C9orf72: variants seen among roughly 807,000 people sequenced by gnomAD.
C9orf72 encodes the protein guanine nucleotide exchange factor C9orf72.
C9orf72 carries 44 observed loss-of-function variants against 51.6 expected under a neutral mutation model. The ratio of observed to expected loss-of-function variants is 0.85; its 90% confidence interval spans 0.67 to 1.10. The LOEUF is 1.10. Ranked by LOEUF, C9orf72 falls within the 50% of genes least tolerant of loss-of-function variation. The pLI, the probability that C9orf72 is intolerant of heterozygous loss-of-function variation, is 0.00. For synonymous variants in C9orf72, 213 were observed against 194.2 expected (o/e 1.10, Z -0.81); for missense variants, 607 against 570.6 (o/e 1.06, Z -0.65).
intron 8 of C9orf72, 138 bp downstream of exon 8, chr9:27,556,423 G>T: frequency 1.6e-6 from 1 of 622,956 alleles, no homozygotes; most frequent in South Asian, 2.1e-5. Context: ...AAAAATGCTT[G>T]ATTAAATGTT....
At chr9:27,560,402 T>A (rs1819314601) in intron 5 of C9orf72, 103 bp from the exon 6 acceptor site, 1 of 829,290 alleles carries the variant, frequency 1.2e-6, no homozygotes, top group Non-Finnish European at 1.9e-6. Flanking sequence ...TCAGAATAGC[T>A]TTATATGATA....
At chr9:27,565,091 T>C (rs976312723) in intron 3 of C9orf72, among the ~76,000 whole-genome samples, 2 of 152,168 alleles carry the variant, frequency 1.3e-5, no homozygotes, top group African/African-American at 4.8e-5. Flanking sequence ...GTCTTAACGA[T>C]ACAACATAAG....
chr9:27,565,567 C>A lies in C9orf72; in HGVS notation c.468G>T (p.Lys156Asn), dbSNP rs770077991. 2.5e-6 allele frequency: 4 copies of A among 1,606,042 alleles called. No homozygotes were observed. The South Asian group carries it at 4.4e-5, about 18-fold the overall frequency. Residue 156 changes from lysine (K) to asparagine (N), a missense_variant, in exon 3 of 11, where the codon AAG becomes AAT. By Grantham distance (94) the Lys-to-Asn change is moderately conservative. Coordinates refer to ENST00000380003, the MANE Select transcript of C9orf72 (RefSeq NM_018325.5). ...MHKERQENVQ[K>N]IILEGTERME... ...TTCTCTCTGTGCCTTCTAAGATAAT[C>A]TTCTGGACATTTTCTTGTCTTTCCT...
chr9:27,567,281 T>C (rs1819491954), intron 1 of C9orf72, 117 bp from the exon 2 acceptor site: 3 of 619,678 alleles, frequency 4.8e-6, no homozygotes, highest in East Asian at 2.7e-5. Context: ...TGTGGAATCC[T>C]GTTATCTCCT....
chr9:27,549,804 T>C (rs1017942455), intron 9 of C9orf72, among the ~76,000 whole-genome samples: 3 of 150,586 alleles, frequency 2.0e-5, no homozygotes, highest in African/African-American at 7.3e-5. Context: ...TTACTTGTTA[T>C]AGGTTAATGC....
intron 8 of C9orf72, 33 bp downstream of exon 8, chr9:27,556,528 G>A: frequency 7.2e-7 from 1 of 1,389,124 alleles, no homozygotes; most frequent in Non-Finnish European, 1.0e-6. Flanking sequence ...CATATTGCTT[G>A]ACTACAGTAC....
In C9orf72 at chr9:27,566,535, T is replaced by C. The variant is rs551299961; in HGVS notation, c.444+142A>G. The stretch of plus-strand genomic sequence containing the variant: ...AGGTATCAGACCAGATGTATTTGTA[T>C]CTAATAGGGTAAATGCAAAATAAAT... On this transcript the variant is annotated intron_variant, in intron 2 of 10. Coordinates refer to ENST00000380003, the MANE Select transcript of C9orf72 (RefSeq NM_018325.5). The C allele has an allele frequency of 1.1e-5, 7 of 614,192 alleles. No individual in the cohort carries two copies. In the South Asian group the frequency reaches 1.4e-4, roughly 12 times the overall value. The allele number at this position is 614,192 out of a possible 1,614,324, so 38.0% of individuals were successfully genotyped here.
At chr9:27,550,380 T>G (rs1013356489) in intron 9 of C9orf72, among the ~76,000 whole-genome samples, 1 of 152,040 alleles carries the variant, frequency 6.6e-6, no homozygotes, top group Non-Finnish European at 1.5e-5. Context: ...CTTTAAAAGA[T>G]AGCAATAATA....
chr9:27,552,906 A>C lies in C9orf72; in HGVS notation c.1092-2199T>G, dbSNP rs543351136. Among the ~76,000 whole-genome samples, 153 of 152,256 alleles carry C rather than the reference A, an allele frequency of 1.0e-3. 1 individual carries two copies. The highest frequency in any genetic ancestry group is 3.5e-3 in the African/African-American group (147 of 41,554). On this transcript the variant is annotated intron_variant, in intron 8 of 10. Coordinates refer to ENST00000380003, the MANE Select transcript of C9orf72 (RefSeq NM_018325.5). ...GAGGATTTTTGCATCTATATTCATC[A>C]AGGATATTGGCCTGAAGTTTTCTTT...
chr9:27,560,537 T>A (rs949308544), intron 5 of C9orf72: 1 of 683,828 alleles, frequency 1.5e-6, no homozygotes, highest in Non-Finnish European at 1.9e-6. Context: ...ATAATATCAT[T>A]TAATTAATGT....
Position 27,547,354 on chromosome 9 carries a change from G to C in C9orf72, c.*882C>G, listed in dbSNP as rs762068701. ...CAAAGCAGGTACATGGTAAGACTTAGCAAGAAGAAAACAAGATGAAAATGA... is the reference window on the plus strand; with the variant it reads ...CAAAGCAGGTACATGGTAAGACTTACCAAGAAGAAAACAAGATGAAAATGA... On this transcript the variant is annotated 3_prime_UTR_variant, in exon 11 of 11. Transcript: ENST00000380003. 6.6e-5 allele frequency: 10 copies of C among 152,634 alleles called. No homozygotes were observed. Among genetic ancestry groups the C allele is most frequent in the Non-Finnish European group, 1.5e-4 (10 of 68,016 alleles). 9.5% of individuals were successfully genotyped at this position (152,634 alleles called of 1,614,324 possible). A position where few individuals can be genotyped will look rare whatever the true frequency, so the allele number is the denominator to read the frequency against.
intron 8 of C9orf72, among the ~76,000 whole-genome samples, chr9:27,555,077 A>G (rs1430724138): frequency 6.6e-6 from 1 of 152,208 alleles, no homozygotes; most frequent in Non-Finnish European, 1.5e-5. Context: ...CAAGTAACCA[A>G]TCAAAAAACG....
At chr9:27,572,988 C>CA (rs1819621526) in intron 1 of C9orf72, among the ~76,000 whole-genome samples, 1 of 152,210 alleles carries the variant, frequency 6.6e-6, no homozygotes, top group African/African-American at 2.4e-5. Context: ...TCCTCGCCGG[C>CA]AGGGACCGTC....
rs1460588561 is a variant in C9orf72 at position 27,566,545 on chromosome 9, T to G, written c.444+132A>C. On this transcript the variant is annotated intron_variant, in intron 2 of 10. Coordinates refer to ENST00000380003, the MANE Select transcript of C9orf72 (RefSeq NM_018325.5). ...CCAGATGTATTTGTATCTAATAGGG[T>G]AAATGCAAAATAAATAACATTTATT... 3 of 652,032 alleles carry G rather than the reference T, an allele frequency of 4.6e-6. No individual in the cohort carries two copies. The African/African-American group carries it at 5.5e-5, about 12-fold the overall frequency. The allele number at this position is 652,032 out of a possible 1,614,324, so 40.4% of individuals were successfully genotyped here.
At chr9:27,557,807 A>G (rs776846459) in intron 7 of C9orf72, among the ~76,000 whole-genome samples, 5 of 152,006 alleles carry the variant, frequency 3.3e-5, no homozygotes, top group Non-Finnish European at 7.4e-5. Context: ...ATTTGCAACA[A>G]TTTTTAAATT....
intron 1 of C9orf72, among the ~76,000 whole-genome samples, chr9:27,572,030 C>T (rs918895457): frequency 1.3e-5 from 2 of 152,202 alleles, no homozygotes; most frequent in South Asian, 4.1e-4. Flanking sequence ...ATCTAATTAA[C>T]GTAGAATAGA....
chr9:27,555,607 G>A (rs1231235061), intron 8 of C9orf72, among the ~76,000 whole-genome samples: 1 of 148,780 alleles, frequency 6.7e-6, no homozygotes, highest in East Asian at 2.0e-4. Flanking sequence ...TGTTCCCCAG[G>A]CTGGAGTACA....
intron 1 of C9orf72, among the ~76,000 whole-genome samples, chr9:27,568,942 G>A (rs1434102548): frequency 6.6e-6 from 1 of 151,720 alleles, no homozygotes; most frequent in Non-Finnish European, 1.5e-5. Flanking sequence ...GTGTGTTATT[G>A]CCCCTAAAAA....
Position 27,566,788 on chromosome 9 carries a change from T to A in C9orf72, c.333A>T (p.Gly111=). ...CTGTCTGTGGAAGTATAATTGATAG[T>A]CCATATGTGCTGCGATCCCCATTCC... The part of the protein sequence containing the change: ...GNWNGDRSTY[G]LSIILPQTEL... The change falls in exon 2 of 11, where the codon GGA becomes GGT. Residue 111 remains glycine (G), a synonymous_variant. Coordinates refer to ENST00000380003, the MANE Select transcript of C9orf72 (RefSeq NM_018325.5). 1 of 1,613,748 alleles carries A rather than the reference T, an allele frequency of 6.2e-7. No homozygotes were observed. Among genetic ancestry groups the A allele is most frequent in the Non-Finnish European group, 8.5e-7 (1 of 1,179,740 alleles).
Sources: allele counts gnomAD v4.1 joint callset (sites outside exome capture counted in the v4.1 genomes callset), GRCh38; gene constraint gnomAD v4.1.1; transcripts MANE v1.5; gene names NCBI Gene and HGNC (gene_info 2026-07-23, HGNC 2026-07-21).